Variants in ULK4 observed in about 807,000 individuals in gnomAD.
ULK4 encodes the protein unc-51 like kinase 4.
Under a neutral mutation model 160.6 loss-of-function variants are expected in ULK4, and 133 were observed. The observed-to-expected ratio is 0.83, with a 90% CI of 0.72 to 0.96. ULK4 has a LOEUF of 0.96. Among genes scored for constraint, ULK4 ranks in the 40% least tolerant of loss-of-function variants. The probability of loss-of-function intolerance (pLI) is 0.00; values close to 1 mark genes in which losing one functional copy is unlikely to be tolerated. For synonymous variants in ULK4, 534 were observed against 539.8 expected (o/e 0.99, Z 0.15); for missense variants, 1,580 against 1,499.5 (o/e 1.05, Z -0.89).
rs150846021 is a variant in ULK4 at position 41,397,651 on chromosome 3, T to C, written c.3678+428A>G. On this transcript the variant is annotated intron_variant, in intron 35 of 36. Transcript: ENST00000301831. ...AAAGACACATGTCTACCAAAATACA[T>C]AATCCTAGACTGTATCCTACACCAG... Among the ~76,000 whole-genome samples, 7 of 152,194 alleles carry C rather than the reference T, an allele frequency of 4.6e-5. No homozygotes were observed. The East Asian group carries it at 1.4e-3, about 29-fold the overall frequency.
intron 31 of ULK4, among the ~76,000 whole-genome samples, chr3:41,590,461 C>CAA (rs71075479): frequency 0.11 from 6,141 of 56,836 alleles, 707 homozygotes; most frequent in African/African-American, 0.29. Flanking sequence ...ACTAAAAATA[C>CAA]AAAAAAAAAA....
chr3:41,536,996 G>C (rs1352540878), intron 32 of ULK4, among the ~76,000 whole-genome samples: 1 of 152,124 alleles, frequency 6.6e-6, no homozygotes, highest in African/African-American at 2.4e-5. Flanking sequence ...TGAGTAACTG[G>C]AACCCTACTG....
intron 35 of ULK4, among the ~76,000 whole-genome samples, chr3:41,305,789 G>A (rs986841243): frequency 1.6e-4 from 23 of 147,734 alleles, no homozygotes; most frequent in African/African-American, 4.9e-4. Flanking sequence ...ACCTCTTCCC[G>A]GCCGCCATCA....
intron 19 of ULK4, among the ~76,000 whole-genome samples, chr3:41,814,908 CTTTT>C (rs201381514): frequency 1.1e-4 from 14 of 127,438 alleles, no homozygotes; most frequent in African/African-American, 4.4e-4. Context: ...TAATTCTGTC[CTTTT>C]TTTTTTTTTT....
chr3:41,729,446 T>C lies in ULK4; in HGVS notation c.2322-11585A>G, dbSNP rs753869520. ...CCTGACCCAAGCTGCTACTGCATAA[T>C]GCCATCTTGACACTGGAGCCACTGC... is the stretch of plus-strand genomic sequence containing the variant. On this transcript the variant is annotated intron_variant, in intron 22 of 36. Coordinates refer to ENST00000301831, the MANE Select transcript of ULK4 (RefSeq NM_017886.4). Among the ~76,000 whole-genome samples the C allele has an allele frequency of 4.6e-5, 7 of 152,302 alleles. No homozygotes were observed. In the South Asian group the frequency reaches 8.3e-4, roughly 18 times the overall value.
chr3:41,937,236 C>G, intron 3 of ULK4: 1 of 610,976 alleles, frequency 1.6e-6, no homozygotes, highest in Non-Finnish European at 2.9e-6. Flanking sequence ...TACATCTGGT[C>G]AGAGATCAGA....
intron 35 of ULK4, among the ~76,000 whole-genome samples, chr3:41,252,394 C>G (rs2078758094): frequency 1.3e-5 from 2 of 151,914 alleles, no homozygotes; most frequent in Non-Finnish European, 2.9e-5. Context: ...ACTCTTGAAA[C>G]AAGTATTACA....
At chr3:41,754,299 A>G in intron 22 of ULK4, 62 bp downstream of exon 22, 1 of 1,543,154 alleles carries the variant, frequency 6.5e-7, no homozygotes. Context: ...AATACCCTAC[A>G]ACTACTAATA....
At position 41,295,228 on chromosome 3, in the gene ULK4, A is replaced by C. The variant is rs1264246961; in HGVS notation, c.3679-45654T>G. On this transcript the variant is annotated intron_variant, in intron 35 of 36. Transcript: ENST00000301831. Reference sequence around the variant, plus strand: ...AGTTTTTTCAAGAAATAGTGTTGGAACAACTGGATATCCACATGCAAAACA... The same window carrying C: ...AGTTTTTTCAAGAAATAGTGTTGGACCAACTGGATATCCACATGCAAAACA... Among the ~76,000 whole-genome samples, 38 of 75,850 alleles carry C rather than the reference A, an allele frequency of 5.0e-4. 13 individuals are homozygous for C. Among genetic ancestry groups the C allele is most frequent in the Non-Finnish European group, 8.1e-4 (24 of 29,750 alleles). 49.8% of individuals were successfully genotyped at this position (75,850 alleles called of 152,430 possible). A position where few individuals can be genotyped will look rare whatever the true frequency, so the allele number is the denominator to read the frequency against.
At chr3:41,762,228 C>A (rs956359349) in intron 21 of ULK4, among the ~76,000 whole-genome samples, 10 of 152,010 alleles carry the variant, frequency 6.6e-5, no homozygotes, top group Admixed American at 3.9e-4. Flanking sequence ...AATACTAGAT[C>A]TTATTCATTC....
chr3:41,849,685 G>C (rs1202650368), intron 17 of ULK4, among the ~76,000 whole-genome samples: 2 of 152,138 alleles, frequency 1.3e-5, no homozygotes, highest in Non-Finnish European at 1.5e-5. Flanking sequence ...TTATCGACTA[G>C]AACAAATGAA....
intron 17 of ULK4, among the ~76,000 whole-genome samples, chr3:41,859,127 T>C (rs533271043): frequency 5.4e-4 from 82 of 152,246 alleles, no homozygotes; most frequent in Non-Finnish European, 9.1e-4. Flanking sequence ...TCAGCACAGT[T>C]CAGTTTAAGT....
At chr3:41,509,407 A>G (rs1296803622) in intron 32 of ULK4, among the ~76,000 whole-genome samples, 1 of 152,190 alleles carries the variant, frequency 6.6e-6, no homozygotes, top group Non-Finnish European at 1.5e-5. Context: ...CATTTAAGAG[A>G]ATAGTCAAGG....
At chr3:41,537,846 G>A (rs559722870) in intron 32 of ULK4, among the ~76,000 whole-genome samples, 5 of 151,720 alleles carry the variant, frequency 3.3e-5, no homozygotes, top group Non-Finnish European at 7.4e-5. Flanking sequence ...CCACAAAACA[G>A]AGTTAGCCTA....
At chr3:41,898,590 C>CA (rs944974578) in intron 13 of ULK4, 98 bp from the exon 14 acceptor site, 3 of 712,870 alleles carry the variant, frequency 4.2e-6, no homozygotes, top group Middle Eastern at 2.7e-4. Context: ...TCAATGAGGA[C>CA]AAAAAAAGAA....
chr3:41,632,970 T>G (rs892096850), intron 30 of ULK4, among the ~76,000 whole-genome samples: 1 of 151,938 alleles, frequency 6.6e-6, no homozygotes, highest in Non-Finnish European at 1.5e-5. Flanking sequence ...GGTGGACAGA[T>G]AGAGATGAAG....
At chr3:41,471,189 C>T (rs2083981408) in intron 32 of ULK4, among the ~76,000 whole-genome samples, 1 of 151,876 alleles carries the variant, frequency 6.6e-6, no homozygotes, top group African/African-American at 2.4e-5. Context: ...CAAAAGAGGG[C>T]AGAGAGACTT....
At chr3:41,839,147 A>G (rs1016132601) in intron 17 of ULK4, among the ~76,000 whole-genome samples, 4 of 152,056 alleles carry the variant, frequency 2.6e-5, no homozygotes, top group Non-Finnish European at 4.4e-5. Context: ...CAGGAGTCAG[A>G]GACCAGCCTG....
intron 32 of ULK4, among the ~76,000 whole-genome samples, chr3:41,492,330 T>C (rs2084806123): frequency 6.6e-6 from 1 of 152,150 alleles, no homozygotes; most frequent in Non-Finnish European, 1.5e-5. Context: ...ATGGTTGAAC[T>C]AGTTTACAGT....
Sources: allele counts gnomAD v4.1 joint callset (sites outside exome capture counted in the v4.1 genomes callset), GRCh38; gene constraint gnomAD v4.1.1; transcripts MANE v1.5; gene names NCBI Gene and HGNC (gene_info 2026-07-23, HGNC 2026-07-21).